Variants in GOLGB1 observed in about 807,000 individuals in gnomAD.
The protein encoded by GOLGB1 is golgin B1, also known as golgin subfamily B member 1.
In GOLGB1, 174 loss-of-function variants were observed where a neutral mutation model predicts 336.9. The ratio of observed to expected loss-of-function variants is 0.52; its 90% confidence interval spans 0.46 to 0.59. The LOEUF (loss-of-function observed/expected upper bound fraction) is 0.59. Among genes scored for constraint, GOLGB1 ranks in the 20% least tolerant of loss-of-function variants. GOLGB1 has a pLI of 0.00. For synonymous variants in GOLGB1, 1,208 were observed against 1,289.2 expected (o/e 0.94, Z 1.35); for missense variants, 3,331 against 3,645.3 (o/e 0.91, Z 2.22).
At chr3:121,736,051 T>C (rs1946447189) in intron 1 of GOLGB1, among the ~76,000 whole-genome samples, 1 of 152,020 alleles carries the variant, frequency 6.6e-6, no homozygotes, top group African/African-American at 2.4e-5. Context: ...ACAGAATAAA[T>C]AACAATAATA....
At chr3:121,721,893 T>C (rs1361512151) in intron 6 of GOLGB1, among the ~76,000 whole-genome samples, 1 of 152,236 alleles carries the variant, frequency 6.6e-6, no homozygotes, top group Non-Finnish European at 1.5e-5. Flanking sequence ...TATTTTTATT[T>C]CTTTTGGTTT....
At position 121,672,125 on chromosome 3, in the gene GOLGB1, T is replaced by C. The variant is rs34676963; in HGVS notation, c.9178-2770A>G. 5.2e-3 allele frequency among the ~76,000 whole-genome samples: 791 copies of C among 152,362 alleles called. 4 individuals are homozygous for C. Among genetic ancestry groups the C allele is most frequent in the Non-Finnish European group, 8.5e-3 (576 of 68,020 alleles). The stretch of plus-strand genomic sequence containing the variant: ...CATGGGAGTACAGATGTCTTTTTGA[T>C]ATATTGATTTTCTTTCTTGTAGATA... On this transcript the variant is annotated intron_variant, in intron 17 of 21. Transcript: ENST00000614479.
At chr3:121,672,446 T>G (rs1189870209) in intron 17 of GOLGB1, among the ~76,000 whole-genome samples, 1 of 152,234 alleles carries the variant, frequency 6.6e-6, no homozygotes, top group Non-Finnish European at 1.5e-5. Flanking sequence ...AAACGTCTAT[T>G]CAGATCTTTT....
Position 121,729,150 on chromosome 3 carries a change from T to A in GOLGB1, c.402+38A>T, listed in dbSNP as rs936090448. 5 of 1,499,910 alleles carry A rather than the reference T, an allele frequency of 3.3e-6. No individual in the cohort carries two copies. In the African/African-American group the frequency reaches 7.1e-5, roughly 21 times the overall value. The allele number at this position is 1,499,910 out of a possible 1,614,324, so 92.9% of individuals were successfully genotyped here. On this transcript the variant is annotated intron_variant, in intron 4 of 21. Coordinates refer to ENST00000614479, the MANE Select transcript of GOLGB1 (RefSeq NM_001366282.2). ...AGATCTGCTGTATTGGTAGGTTTTT[T>A]CAACTTAGGAAATATACACTACACC...
At chr3:121,670,938 C>T (rs1219467146) in intron 17 of GOLGB1, among the ~76,000 whole-genome samples, 4 of 152,120 alleles carry the variant, frequency 2.6e-5, no homozygotes, top group Non-Finnish European at 4.4e-5. Flanking sequence ...ATGAACAGTC[C>T]AAACCATACC....
In GOLGB1 at chr3:121,677,464, G is replaced by T; in HGVS notation, c.8874-14C>A. On this transcript the variant is annotated splice_polypyrimidine_tract_variant and intron_variant, in intron 15 of 21. Coordinates refer to ENST00000614479, the MANE Select transcript of GOLGB1 (RefSeq NM_001366282.2). ...CTCTTCTCCATCCTAGAAAAAACAT[G>T]ACACAATCACAGGTAAAAATATACT... is the stretch of plus-strand genomic sequence containing the variant. 1 of 1,590,388 alleles carries T rather than the reference G, an allele frequency of 6.3e-7. No individual in the cohort carries two copies. The highest frequency in any genetic ancestry group is 1.1e-5 in the South Asian group (1 of 90,476).
intron 17 of GOLGB1, among the ~76,000 whole-genome samples, chr3:121,670,758 G>GA (rs1312946404): frequency 6.7e-6 from 1 of 149,330 alleles, no homozygotes; most frequent in South Asian, 2.2e-4. Context: ...TTTCTTTTGG[G>GA]GGGGGGGGTG....
rs1159069388 is a variant in GOLGB1 at position 121,692,132 on chromosome 3, T to C, written c.7232A>G (p.His2411Arg). 2 of 1,613,542 alleles carry C rather than the reference T, an allele frequency of 1.2e-6. No homozygotes were observed. Among genetic ancestry groups the C allele is most frequent in the Non-Finnish European group, 8.5e-7 (1 of 1,179,780 alleles). ...QVAIAELRQQ[H>R]DKEIKELENL... is the part of the protein sequence containing the mutation. ...TTCCAGCTCTTTAATTTCTTTATCA[T>C]GTTGCTGACGCAGTTCAGCAATAGC... The change falls in exon 14 of 22, where the codon CAT becomes CGT. Residue 2411 changes from histidine (H) to arginine (R), a missense_variant. Transcript: ENST00000614479.
intron 5 of GOLGB1, among the ~76,000 whole-genome samples, chr3:121,724,813 G>A (rs1223285208): frequency 6.6e-6 from 1 of 152,170 alleles, no homozygotes; most frequent in East Asian, 1.9e-4. Context: ...GGACAGAATG[G>A]TTTCTGTGAA....
chr3:121,727,659 T>C (rs1206631039), intron 4 of GOLGB1, among the ~76,000 whole-genome samples: 1 of 152,060 alleles, frequency 6.6e-6, no homozygotes, highest in Non-Finnish European at 1.5e-5. Flanking sequence ...GGAAATCCAA[T>C]TTTTTCAATA....
intron 17 of GOLGB1, among the ~76,000 whole-genome samples, chr3:121,671,162 A>G (rs1939481773): frequency 6.6e-6 from 1 of 152,238 alleles, no homozygotes; most frequent in African/African-American, 2.4e-5. Context: ...CTGAGCCTGA[A>G]GGAAAAGTTT....
At chr3:121,747,149 GTTAT>G (rs1489330826) in intron 1 of GOLGB1, among the ~76,000 whole-genome samples, 1 of 49,672 alleles carries the variant, frequency 2.0e-5, no homozygotes, top group Non-Finnish European at 3.6e-5. Flanking sequence ...ATACATGGAT[GTTAT>G]ATATATATAT....
Position 121,736,747 on chromosome 3 carries a change from T to C in GOLGB1, c.-2-5774A>G, listed in dbSNP as rs2108351650. On this transcript the variant is annotated intron_variant, in intron 1 of 21. Transcript: ENST00000614479. ...GTGAAACTCCGTCTCTACTAAAAAA[T>C]ACAAAAATTAGCCGGGTGTGGTGGC... Among the ~76,000 whole-genome samples the C allele has an allele frequency of 2.0e-5, 3 of 152,068 alleles. No individual in the cohort carries two copies. The East Asian group carries it at 5.8e-4, about 29-fold the overall frequency.
Position 121,690,970 on chromosome 3 carries a change from G to A in GOLGB1, c.8394C>T (p.Asn2798=), listed in dbSNP as rs114935750. The change falls in exon 14 of 22, where the codon AAC becomes AAT. Residue 2798 remains asparagine, a synonymous_variant. Transcript: ENST00000614479. ...GAGACAAGCTATTCTCCTCAGTGGA[G>A]TTCATTGAAAAGGCGGTTTCAGAAA... ...ALLSETAFSM[N]STEENSLSHL... 1,744 of 1,614,146 alleles carry A rather than the reference G, an allele frequency of 1.1e-3. 4 individuals are homozygous for A. Among genetic ancestry groups the A allele is most frequent in the Non-Finnish European group, 9.6e-4 (1,128 of 1,180,002 alleles).
chr3:121,734,146 T>G (rs1012690632), intron 1 of GOLGB1, among the ~76,000 whole-genome samples: 1 of 152,112 alleles, frequency 6.6e-6, no homozygotes, highest in Admixed American at 6.6e-5. Context: ...TCCCAGCACT[T>G]TGGGAGGCTG....
intron 15 of GOLGB1, among the ~76,000 whole-genome samples, 197 bp from the exon 16 acceptor site, chr3:121,677,647 T>G (rs1198334306): frequency 1.3e-5 from 2 of 152,228 alleles, no homozygotes; most frequent in Non-Finnish European, 1.5e-5. Flanking sequence ...CTATCTCCTT[T>G]TCTCTTCCCT....
chr3:121,667,946 T>C (rs1560160757), intron 19 of GOLGB1, 115 bp downstream of exon 19: 1 of 599,682 alleles, frequency 1.7e-6, no homozygotes, highest in Non-Finnish European at 3.0e-6. Context: ...TCTGTGAGGC[T>C]AATAAGATAA....
chr3:121,711,488 C>G (rs1219953158), intron 10 of GOLGB1, among the ~76,000 whole-genome samples: 1 of 152,070 alleles, frequency 6.6e-6, no homozygotes, highest in Non-Finnish European at 1.5e-5. Flanking sequence ...AGTCCAGTCT[C>G]ACCACTTCTA....
intron 10 of GOLGB1, 77 bp downstream of exon 10, chr3:121,714,784 A>G: frequency 1.1e-6 from 1 of 945,706 alleles, no homozygotes; most frequent in Non-Finnish European, 1.7e-6. Context: ...TCTGGAATAA[A>G]TCCTCATTAG....
Sources: gnomAD v4.1 joint callset for allele counts (sites outside exome capture counted in the v4.1 genomes callset) on GRCh38, gnomAD v4.1.1 for gene constraint, MANE v1.5 for transcripts, NCBI Gene and HGNC (gene_info 2026-07-23, HGNC 2026-07-21) for gene names.